Variants in CAGE1 observed in about 807,000 individuals in gnomAD.
CAGE1 encodes cancer antigen 1, also known as cancer-associated gene 1 protein.
CAGE1 carries 66 observed loss-of-function variants against 94.9 expected under a neutral mutation model. That is an observed-to-expected ratio of 0.70 (90% CI 0.57 to 0.85). The LOEUF is 0.85. Ranked by LOEUF, CAGE1 falls within the 40% of genes least tolerant of loss-of-function variation. The pLI is 0.00. For missense variants in CAGE1, 865 were observed against 950.4 expected (o/e 0.91, Z 1.18); for synonymous variants, 319 against 321.0 (o/e 0.99, Z 0.07).
At chr6:7,350,730 C>T (rs1322331371) in intron 11 of CAGE1, among the ~76,000 whole-genome samples, 1 of 151,946 alleles carries the variant, frequency 6.6e-6, no homozygotes, top group African/African-American at 2.4e-5. Flanking sequence ...AATGACAGAA[C>T]CTATCAAAAC....
rs558866162 is a variant in CAGE1 at position 7,373,403 on chromosome 6, C to T, written c.1416G>A (p.Leu472=). Residue 472 remains leucine, a synonymous_variant, in exon 5 of 14, where the codon TTG becomes TTA. Transcript: ENST00000502583. The part of the protein sequence containing the change: ...LEKATASALD[L]LKREKEAQEQ... ...CTTGGGCCTCTTTTTCCCGTTTCAA[C>T]AAGTCCAAAGCAGAAGCTGTGGCCT... The T allele has an allele frequency of 1.7e-5, 27 of 1,613,726 alleles. No homozygotes were observed. Among genetic ancestry groups the T allele is most frequent in the Non-Finnish European group, 2.1e-5 (25 of 1,179,852 alleles).
chr6:7,368,604 C>CT, intron 7 of CAGE1, 84 bp downstream of exon 7: 1 of 695,366 alleles, frequency 1.4e-6, no homozygotes, highest in Non-Finnish European at 2.3e-6. Context: ...ATGATTCCAA[C>CT]TTTAAGAGTT....
At chr6:7,332,787 A>G (rs558463354) in intron 12 of CAGE1, among the ~76,000 whole-genome samples, 6 of 152,280 alleles carry the variant, frequency 3.9e-5, no homozygotes, top group Admixed American at 2.6e-4. Context: ...GGATCTGGCC[A>G]AGAGATAGGA....
intron 13 of CAGE1, among the ~76,000 whole-genome samples, chr6:7,327,416 C>G (rs376494901): frequency 1.6e-4 from 24 of 152,180 alleles, no homozygotes; most frequent in African/African-American, 5.8e-4. Flanking sequence ...CAGCTGTGAG[C>G]TCAGGTGTGA....
Position 7,378,761 on chromosome 6 carries a change from C to T in CAGE1, c.543G>A (p.Glu181=), listed in dbSNP as rs971716736. The change falls in exon 4 of 14, where the codon GAG becomes GAA. Residue 181 remains glutamate, a synonymous_variant. Coordinates refer to ENST00000502583, the MANE Select transcript of CAGE1 (RefSeq NM_001170692.2). ...TTCTAGGAGGAGGCTGTCTAAAATACTCGTTACCAAGTTGGTCTGTATTTG... is the reference window on the plus strand; with the variant it reads ...TTCTAGGAGGAGGCTGTCTAAAATATTCGTTACCAAGTTGGTCTGTATTTG... ...VSANTDQLGN[E]YFRQPPPRSP... The T allele has an allele frequency of 6.2e-7, 1 of 1,613,942 alleles. No individual in the cohort carries two copies. Among genetic ancestry groups the T allele is most frequent in the Non-Finnish European group, 8.5e-7 (1 of 1,179,872 alleles).
At chr6:7,379,370 T>C (rs1158630602) in intron 3 of CAGE1, among the ~76,000 whole-genome samples, 1 of 152,196 alleles carries the variant, frequency 6.6e-6, no homozygotes, top group African/African-American at 2.4e-5. Flanking sequence ...AAGGATAGTA[T>C]AATAGAAAAC....
intron 4 of CAGE1, among the ~76,000 whole-genome samples, chr6:7,377,058 AT>A: frequency 6.6e-6 from 1 of 152,242 alleles, no homozygotes; most frequent in East Asian, 1.9e-4. Flanking sequence ...TATTCACCTT[AT>A]TGATCTTATT....
At chr6:7,379,728 CT>C in intron 3 of CAGE1, among the ~76,000 whole-genome samples, 1 of 152,252 alleles carries the variant, frequency 6.6e-6, no homozygotes, top group East Asian at 1.9e-4. Context: ...TCCCATTTTA[CT>C]TTTACTACTG....
rs139409673 is a variant in CAGE1, at chr6:7,360,394, A to G, written c.2194-4265T>C. Reference sequence around the variant, plus strand: ...AGGTGAAGCCAGGGTATTTAGCTCTATCTAGGTCGTAATTCAAGGTTTCCT... The same window carrying G: ...AGGTGAAGCCAGGGTATTTAGCTCTGTCTAGGTCGTAATTCAAGGTTTCCT... On this transcript the variant is annotated intron_variant, in intron 9 of 13. Coordinates refer to ENST00000502583, the MANE Select transcript of CAGE1 (RefSeq NM_001170692.2). 2.6e-5 allele frequency among the ~76,000 whole-genome samples: 4 copies of G among 152,260 alleles called. No homozygotes were observed. The East Asian group carries it at 7.7e-4, about 29-fold the overall frequency.
chr6:7,370,099 T>C, intron 5 of CAGE1, 34 bp from the exon 6 acceptor site: 1 of 1,504,906 alleles, frequency 6.6e-7, no homozygotes, highest in Non-Finnish European at 8.9e-7. Flanking sequence ...GTCAAAATAA[T>C]GATGAAGAAC....
intron 4 of CAGE1, among the ~76,000 whole-genome samples, chr6:7,377,771 G>C (rs991337329): frequency 6.6e-6 from 1 of 151,942 alleles, no homozygotes; most frequent in East Asian, 1.9e-4. Context: ...AAGAGAAAAG[G>C]TATTACTTAT....
rs1581662431 is a variant in CAGE1, at chr6:7,342,010, G to A, written c.2370-7920C>T. On this transcript the variant is annotated intron_variant, in intron 11 of 13. Coordinates refer to ENST00000502583, the MANE Select transcript of CAGE1 (RefSeq NM_001170692.2). The stretch of plus-strand genomic sequence containing the variant: ...GGTGCCAAGGTTAACGAAGCTCAAG[G>A]TGTTCTTGTCCTTATGATATTTGTC... 1.1e-5 allele frequency: 9 copies of A among 810,312 alleles called. No individual in the cohort carries two copies. In the East Asian group the frequency reaches 2.3e-4, roughly 21 times the overall value. The allele number at this position is 810,312 out of a possible 1,614,324, so 50.2% of individuals were successfully genotyped here.
At chr6:7,384,239 G>A (rs990212917) in intron 3 of CAGE1, among the ~76,000 whole-genome samples, 5 of 152,062 alleles carry the variant, frequency 3.3e-5, no homozygotes, top group African/African-American at 4.8e-5. Flanking sequence ...CATCATGCCC[G>A]GCTAATTTTT....
intron 11 of CAGE1, among the ~76,000 whole-genome samples, chr6:7,345,300 A>T (rs9766305): frequency 1.3e-5 from 2 of 151,888 alleles, no homozygotes; most frequent in African/African-American, 4.9e-5. Flanking sequence ...AAAGGTTTGC[A>T]GTTTTATTTC....
intron 13 of CAGE1, among the ~76,000 whole-genome samples, chr6:7,328,124 CAG>C (rs1379012002): frequency 3.9e-5 from 6 of 152,008 alleles, no homozygotes; most frequent in Non-Finnish European, 7.4e-5. Flanking sequence ...TGGAATGGGA[CAG>C]AGGTGGCAGC....
chr6:7,383,636 C>T (rs1761013862), intron 3 of CAGE1, among the ~76,000 whole-genome samples: 1 of 152,184 alleles, frequency 6.6e-6, no homozygotes, highest in African/African-American at 2.4e-5. Flanking sequence ...TAAGTCTCCA[C>T]ATCTTCTTTT....
intron 5 of CAGE1, among the ~76,000 whole-genome samples, chr6:7,372,438 T>C (rs1047715214): frequency 1.9e-4 from 27 of 140,676 alleles, no homozygotes; most frequent in Non-Finnish European, 3.3e-4. Context: ...GTCACTGCAC[T>C]CCAGCCTGGG....
At chr6:7,385,729 C>G in intron 3 of CAGE1, 56 bp downstream of exon 3, 1 of 1,047,144 alleles carries the variant, frequency 9.5e-7, no homozygotes, top group Non-Finnish European at 1.4e-6. Flanking sequence ...GTTACTATCA[C>G]GGAACACAAA....
chr6:7,350,686 G>A (rs1759739250), intron 11 of CAGE1, among the ~76,000 whole-genome samples: 1 of 151,996 alleles, frequency 6.6e-6, no homozygotes, highest in Non-Finnish European at 1.5e-5. Context: ...AAATCAAGAA[G>A]GAAATTTAAA....
Sources: gnomAD v4.1 joint callset for allele counts (sites outside exome capture counted in the v4.1 genomes callset) on GRCh38, gnomAD v4.1.1 for gene constraint, MANE v1.5 for transcripts, NCBI Gene and HGNC (gene_info 2026-07-23, HGNC 2026-07-21) for gene names.